RALYL: variants seen among roughly 807,000 people sequenced by gnomAD.
RALYL encodes the protein RNA-binding Raly-like protein.
A neutral mutation model predicts 35.1 loss-of-function variants in RALYL; 29 were observed. The ratio of observed to expected loss-of-function variants is 0.83; its 90% CI spans 0.61 to 1.13. The LOEUF is 1.13. Ranked by LOEUF, RALYL falls within the 50% of genes most tolerant of loss-of-function variation. RALYL has a pLI of 0.00. For synonymous variants in RALYL, 120 were observed against 127.6 expected, an observed-to-expected ratio of 0.94 and a Z score of 0.40; for missense variants, 359 against 360.4, an observed-to-expected ratio of 1.00 and a Z score of 0.03.
chr8:84,635,710 A>T (rs748493947), intron 2 of RALYL, among the ~76,000 whole-genome samples: 5 of 151,752 alleles, frequency 3.3e-5, no homozygotes, highest in Non-Finnish European at 5.9e-5. Context: ...TAATAAAATG[A>T]TACTGAAAGT....
chr8:84,242,649 G>C (rs1300670038), intron 1 of RALYL, among the ~76,000 whole-genome samples: 2 of 152,140 alleles, frequency 1.3e-5, no homozygotes, highest in Non-Finnish European at 2.9e-5. Context: ...AGAAGTATCT[G>C]TTCATGCGCT....
chr8:84,487,569 A>G (rs1402566040), intron 1 of RALYL, among the ~76,000 whole-genome samples: 2 of 152,122 alleles, frequency 1.3e-5, no homozygotes, highest in Admixed American at 6.6e-5. Context: ...CAAGAATCAC[A>G]GAACAAATAT....
chr8:84,727,175 A>C (rs1458727489), intron 2 of RALYL, among the ~76,000 whole-genome samples: 1 of 152,104 alleles, frequency 6.6e-6, no homozygotes, highest in African/African-American at 2.4e-5. Flanking sequence ...GATATTCAAC[A>C]GTATACTTAG....
chr8:84,808,535 G>T (rs1210214285), intron 4 of RALYL, among the ~76,000 whole-genome samples: 1 of 152,092 alleles, frequency 6.6e-6, no homozygotes, highest in Non-Finnish European at 1.5e-5. Flanking sequence ...TTCTAATTCT[G>T]TAAAGAATGA....
intron 4 of RALYL, among the ~76,000 whole-genome samples, chr8:84,848,437 G>GTA (rs34063344): frequency 0.014 from 2,033 of 148,346 alleles, 37 homozygotes; most frequent in African/African-American, 0.044. Context: ...GTGTGTGTGT[G>GTA]TATATATATA....
intron 1 of RALYL, among the ~76,000 whole-genome samples, chr8:84,370,457 T>C (rs1352663675): frequency 2.0e-5 from 3 of 149,588 alleles, no homozygotes; most frequent in Non-Finnish European, 4.5e-5. Context: ...CACACACACA[T>C]ATACACAACC....
intron 3 of RALYL, among the ~76,000 whole-genome samples, chr8:84,796,418 G>T (rs549566594): frequency 6.6e-6 from 1 of 152,090 alleles, no homozygotes; most frequent in East Asian, 1.9e-4. Context: ...AGTTATCCAT[G>T]AATATCCTTT....
At chr8:84,331,467 T>C (rs1846801882) in intron 1 of RALYL, among the ~76,000 whole-genome samples, 1 of 152,092 alleles carries the variant, frequency 6.6e-6, no homozygotes, top group African/African-American at 2.4e-5. Context: ...ATTACTATCT[T>C]AGACTGCTTA....
chr8:84,418,605 G>A (rs1436148224), intron 1 of RALYL, among the ~76,000 whole-genome samples: 3 of 151,836 alleles, frequency 2.0e-5, no homozygotes, highest in Non-Finnish European at 2.9e-5. Flanking sequence ...TCTTCTCTTC[G>A]TCCTTACATG....
chr8:84,327,884 G>T (rs1384303091), intron 1 of RALYL, among the ~76,000 whole-genome samples: 1 of 152,088 alleles, frequency 6.6e-6, no homozygotes, highest in Non-Finnish European at 1.5e-5. Context: ...GAATGCAAAA[G>T]AATCAGAAGA....
intron 3 of RALYL, among the ~76,000 whole-genome samples, chr8:84,788,745 G>T (rs1006841924): frequency 5.9e-5 from 9 of 152,190 alleles, no homozygotes; most frequent in African/African-American, 2.2e-4. Flanking sequence ...CTATCAGTCA[G>T]CCCAGGCCAG....
In RALYL at chr8:84,426,436, C is replaced by CTTTGTG. The variant is rs746277761; in HGVS notation, c.-23-102862_-23-102861insTTGTGT. On this transcript the variant is annotated intron_variant, in intron 1 of 8. Coordinates refer to ENST00000521268, the MANE Select transcript of RALYL (RefSeq NM_173848.7). The stretch of plus-strand genomic sequence containing the variant: ...CTACTCTTTTGCGTTCTCTCTCTCT[C>CTTTGTG]TCTGTGTGTGTGTGTGTGTGTGTGT... Among the ~76,000 whole-genome samples the CTTTGTG allele has an allele frequency of 2.3e-5, 3 of 130,880 alleles. No individual in the cohort carries two copies. In the East Asian group the frequency reaches 6.7e-4, roughly 29 times the overall value. The allele number at this position is 130,880 out of a possible 152,430, so 85.9% of individuals were successfully genotyped here.
At chr8:84,307,081 C>T (rs1841960388) in intron 1 of RALYL, among the ~76,000 whole-genome samples, 1 of 152,058 alleles carries the variant, frequency 6.6e-6, no homozygotes, top group African/African-American at 2.4e-5. Flanking sequence ...TTGAGGGTTC[C>T]AGTGGTTGAT....
chr8:84,464,131 GTT>G (rs200511337), intron 1 of RALYL, among the ~76,000 whole-genome samples: 16 of 132,568 alleles, frequency 1.2e-4, no homozygotes, highest in Non-Finnish European at 2.6e-4. Flanking sequence ...ATTAAAACAA[GTT>G]TTTTTTTTGT....
chr8:84,526,711 A>C (rs1234578557), intron 1 of RALYL, among the ~76,000 whole-genome samples: 2 of 152,138 alleles, frequency 1.3e-5, no homozygotes, highest in Non-Finnish European at 2.9e-5. Flanking sequence ...CTGAACTCTG[A>C]TCTGTATCTC....
intron 1 of RALYL, among the ~76,000 whole-genome samples, chr8:84,371,946 C>T (rs1010427766): frequency 1.3e-5 from 2 of 151,722 alleles, no homozygotes; most frequent in Admixed American, 6.6e-5. Context: ...GTGTGCAGCC[C>T]GCTAATAAAA....
At chr8:84,816,544 A>G (rs1207649444) in intron 4 of RALYL, among the ~76,000 whole-genome samples, 1 of 152,338 alleles carries the variant, frequency 6.6e-6, no homozygotes, top group African/African-American at 2.4e-5. Flanking sequence ...TAACTAAGTC[A>G]GAACAATTTA....
chr8:84,911,810 G>A (rs555218866), intron 8 of RALYL, among the ~76,000 whole-genome samples: 10 of 152,152 alleles, frequency 6.6e-5, no homozygotes, highest in African/African-American at 9.6e-5. Context: ...AGAACTCAGG[G>A]AAACACTTCA....
chr8:84,725,357 G>A (rs1483689992), intron 2 of RALYL, among the ~76,000 whole-genome samples: 1 of 151,642 alleles, frequency 6.6e-6, no homozygotes, highest in Admixed American at 6.6e-5. Context: ...TTGTGGTAAT[G>A]GCAGTTAATT....
Sources: allele counts gnomAD v4.1 joint callset (sites outside exome capture counted in the v4.1 genomes callset), GRCh38; gene constraint gnomAD v4.1.1; transcripts MANE v1.5; gene names NCBI Gene and HGNC (gene_info 2026-07-23, HGNC 2026-07-21).